Variants in KLF8 observed in about 807,000 individuals in gnomAD.
The protein encoded by KLF8 is Krueppel-like factor 8.
In KLF8, 10 loss-of-function variants were observed where a neutral mutation model predicts 18.2. That is an observed-to-expected ratio of 0.55 (90% confidence interval 0.34 to 0.93). KLF8 has a LOEUF of 0.93. Among genes scored for constraint, KLF8 ranks in the 40% least tolerant of loss-of-function variants. The pLI is 0.02. For missense variants in KLF8, 264 were observed against 277.9 expected (o/e 0.95, Z 0.36); for synonymous variants, 109 against 97.3 (o/e 1.12, Z -0.71).
At chrX:56,145,175 C>T in the KLF8 span, among the ~76,000 whole-genome samples, 2 of 111,597 alleles carry the variant, frequency 1.8e-5, no homozygotes, top group African/African-American at 6.5e-5. Context: ...TTTGAAGAGA[C>T]GTTTTTCCAA....
At chrX:56,187,527 GCCAGCATCATCCTGATA>G in the KLF8 span, among the ~76,000 whole-genome samples, 1 of 111,638 alleles carries the variant, frequency 9.0e-6, no homozygotes, top group Non-Finnish European at 1.9e-5. Context: ...ATTTTATGAG[GCCAGCATCATCCTGATA>G]CCAAAGCCGG....
chrX:56,196,054 G>C, the KLF8 span, among the ~76,000 whole-genome samples: 5 of 111,307 alleles, frequency 4.5e-5, no homozygotes, highest in East Asian at 2.8e-4. Context: ...TCACCACCAG[G>C]ACTGCCTTCA....
the KLF8 span, among the ~76,000 whole-genome samples, chrX:56,199,429 G>T: frequency 9.0e-6 from 1 of 111,648 alleles, no homozygotes; most frequent in Admixed American, 9.5e-5. Flanking sequence ...GTGGACAAAG[G>T]TTATGAACAG....
the KLF8 span, among the ~76,000 whole-genome samples, chrX:56,209,556 G>T: frequency 8.9e-6 from 1 of 111,869 alleles, no homozygotes; most frequent in East Asian, 2.8e-4. Context: ...TTGAACCCAT[G>T]AGGCAGAGGT....
chrX:56,253,507 A>G (rs1039983733), intron 2 of KLF8, among the ~76,000 whole-genome samples: 1 of 111,330 alleles, frequency 9.0e-6, no homozygotes, highest in Admixed American at 9.6e-5. Context: ...TTTGTAAAAA[A>G]TGAATTCTTT....
the KLF8 span, among the ~76,000 whole-genome samples, chrX:56,078,778 CT>C: frequency 3.6e-5 from 4 of 111,082 alleles, no homozygotes; most frequent in East Asian, 5.6e-4. Context: ...GTCCTGGACT[CT>C]TTTTTGTTGG....
the KLF8 span, among the ~76,000 whole-genome samples, chrX:56,037,367 G>GTT: frequency 9.1e-6 from 1 of 109,483 alleles, no homozygotes; most frequent in African/African-American, 3.3e-5. Context: ...AGATTGGTCT[G>GTT]TTTTTTTTTA....
chrX:55,979,000 A>T, the KLF8 span, among the ~76,000 whole-genome samples: 1 of 111,551 alleles, frequency 9.0e-6, no homozygotes, highest in African/African-American at 3.3e-5. Flanking sequence ...TATACAGAGG[A>T]CACATGATAA....
At chrX:56,079,433 C>T in the KLF8 span, among the ~76,000 whole-genome samples, 21 of 111,206 alleles carry the variant, frequency 1.9e-4, no homozygotes, top group African/African-American at 4.3e-4. Flanking sequence ...TTGTTCAGTT[C>T]CCATGTAGTT....
chrX:56,123,303 A>G, the KLF8 span, among the ~76,000 whole-genome samples: 95 of 74,614 alleles, frequency 1.3e-3, 1 homozygote, highest in African/African-American at 4.5e-3. Context: ...AAGAAAGAGA[A>G]AGAAAGAAAG....
the KLF8 span, among the ~76,000 whole-genome samples, chrX:55,997,278 T>C: frequency 7.1e-5 from 8 of 111,980 alleles, no homozygotes; most frequent in Admixed American, 5.6e-4. Context: ...CATTAGCCAG[T>C]GCGGATGGGC....
the KLF8 span, among the ~76,000 whole-genome samples, chrX:56,005,064 A>G: frequency 9.3e-6 from 1 of 107,106 alleles, no homozygotes; most frequent in Non-Finnish European, 1.9e-5. Context: ...ATTATTTGAG[A>G]TGGAGTCTTG....
chrX:55,951,438 T>C, the KLF8 span, among the ~76,000 whole-genome samples: 1 of 101,314 alleles, frequency 9.9e-6, no homozygotes, highest in Middle Eastern at 5.1e-3. Flanking sequence ...ACCATGCCAT[T>C]GCACTCCAGC....
At chrX:56,185,349 A>G in the KLF8 span, among the ~76,000 whole-genome samples, 1 of 112,137 alleles carries the variant, frequency 8.9e-6, no homozygotes, top group Non-Finnish European at 1.9e-5. Context: ...AAATGTGCAA[A>G]GCCTCCAAGA....
the KLF8 span, among the ~76,000 whole-genome samples, chrX:56,180,741 A>C: frequency 1.7e-4 from 19 of 111,378 alleles, no homozygotes; most frequent in Admixed American, 9.6e-4. Context: ...TTCAGGAGCA[A>C]GTAGTTCAGT....
chrX:56,236,031 T>A (rs1288428511), intron 1 of KLF8, among the ~76,000 whole-genome samples: 2 of 112,320 alleles, frequency 1.8e-5, no homozygotes, highest in Non-Finnish European at 3.8e-5. Flanking sequence ...GTTATTTGTG[T>A]ATTTAGACAA....
chrX:56,006,706 G>GT, the KLF8 span, among the ~76,000 whole-genome samples: 2 of 112,382 alleles, frequency 1.8e-5, no homozygotes, highest in South Asian at 3.7e-4. Flanking sequence ...TTGCTCTTGA[G>GT]TTTTTTTGGT....
chrX:56,177,806 AC>A, the KLF8 span, among the ~76,000 whole-genome samples: 1 of 110,584 alleles, frequency 9.0e-6, no homozygotes, highest in East Asian at 2.9e-4. Context: ...AAATGGGGTC[AC>A]CCCTCCCCCA....
chrX:55,934,353 AG>A, the KLF8 span, among the ~76,000 whole-genome samples: 13 of 112,116 alleles, frequency 1.2e-4, no homozygotes, highest in South Asian at 3.7e-4. Context: ...CAATAATAAA[AG>A]AATCAAGCAA....
Sources: gnomAD v4.1 joint callset for allele counts (sites outside exome capture counted in the v4.1 genomes callset) on GRCh38, gnomAD v4.1.1 for gene constraint, MANE v1.5 for transcripts, NCBI Gene and HGNC (gene_info 2026-07-23, HGNC 2026-07-21) for gene names.